Variants in GRID2 observed in about 807,000 individuals in gnomAD.
GRID2 encodes the protein glutamate receptor ionotropic, delta-2.
GRID2 carries 33 observed loss-of-function variants against 114.8 expected under a neutral mutation model. The observed-to-expected ratio is 0.29, with a 90% CI of 0.22 to 0.38. GRID2 has a LOEUF of 0.38. Ranked by LOEUF, GRID2 falls within the 10% of genes least tolerant of loss-of-function variation. The pLI, the probability that GRID2 is intolerant of heterozygous loss-of-function variation, is 1.00. For synonymous variants in GRID2, 505 were observed against 449.9 expected (o/e 1.12, Z -1.55); for missense variants, 1,184 against 1,257.7 (o/e 0.94, Z 0.89).
intron 8 of GRID2, among the ~76,000 whole-genome samples, chr4:93,328,920 G>A (rs1560505048): frequency 6.6e-6 from 1 of 152,108 alleles, no homozygotes; most frequent in Non-Finnish European, 1.5e-5. Flanking sequence ...TCTAGAGAAG[G>A]CCGATACTTA....
At chr4:93,413,313 AT>A (rs2149355681) in intron 9 of GRID2, among the ~76,000 whole-genome samples, 1 of 152,242 alleles carries the variant, frequency 6.6e-6, no homozygotes, top group South Asian at 2.1e-4. Context: ...ATAATATCTC[AT>A]TGTGGTTTTG....
intron 8 of GRID2, among the ~76,000 whole-genome samples, chr4:93,382,897 A>G (rs1763990562): frequency 1.0e-5 from 1 of 96,562 alleles, no homozygotes; most frequent in Admixed American, 9.1e-5. Flanking sequence ...CCTAGGAGAA[A>G]TTTCCTAGGT....
chr4:92,583,923 GTA>G (rs142984362), intron 1 of GRID2, among the ~76,000 whole-genome samples: 70 of 147,890 alleles, frequency 4.7e-4, no homozygotes, highest in African/African-American at 1.7e-3. Context: ...ACACATATAT[GTA>G]TATATATATA....
chr4:92,857,894 T>A (rs1049174375), intron 2 of GRID2, among the ~76,000 whole-genome samples: 1 of 152,186 alleles, frequency 6.6e-6, no homozygotes, highest in East Asian at 1.9e-4. Flanking sequence ...TGACTTTAAG[T>A]TGAAGCCATT....
chr4:92,453,410 G>T (rs959048940), intron 1 of GRID2, among the ~76,000 whole-genome samples: 1 of 151,972 alleles, frequency 6.6e-6, no homozygotes, highest in African/African-American at 2.4e-5. Flanking sequence ...GCAGAGAATG[G>T]GTTCATACAG....
intron 14 of GRID2, among the ~76,000 whole-genome samples, chr4:93,655,345 T>C (rs1414407855): frequency 6.6e-6 from 1 of 152,194 alleles, no homozygotes; most frequent in Non-Finnish European, 1.5e-5. Flanking sequence ...GGGGCAATTA[T>C]ATAACTTTAT....
At chr4:93,291,432 T>C (rs1385014593) in intron 8 of GRID2, among the ~76,000 whole-genome samples, 1 of 152,178 alleles carries the variant, frequency 6.6e-6, no homozygotes, top group African/African-American at 2.4e-5. Flanking sequence ...TTCTACTTGG[T>C]TTTGTTAGAA....
intron 14 of GRID2, among the ~76,000 whole-genome samples, chr4:93,663,765 T>A (rs1258734475): frequency 1.3e-5 from 2 of 152,158 alleles, no homozygotes; most frequent in Non-Finnish European, 2.9e-5. Flanking sequence ...GAAGGCAATC[T>A]CTAAAACTTT....
At chr4:93,422,295 C>T (rs931014819) in intron 9 of GRID2, among the ~76,000 whole-genome samples, 21 of 151,876 alleles carry the variant, frequency 1.4e-4, no homozygotes, top group African/African-American at 2.2e-4. Context: ...CCAGTAAATG[C>T]GATATTATTA....
chr4:92,843,124 T>C (rs1351221638), intron 2 of GRID2, among the ~76,000 whole-genome samples: 2 of 151,940 alleles, frequency 1.3e-5, no homozygotes, highest in Admixed American at 1.3e-4. Flanking sequence ...ATACCTGTAG[T>C]CCCAGCTACT....
At chr4:92,872,310 T>C (rs1745334310) in intron 2 of GRID2, among the ~76,000 whole-genome samples, 1 of 152,086 alleles carries the variant, frequency 6.6e-6, no homozygotes, top group African/African-American at 2.4e-5. Context: ...GACATATAAA[T>C]GGCAATTAGT....
At chr4:92,563,810 C>T (rs1433491130) in intron 1 of GRID2, among the ~76,000 whole-genome samples, 2 of 152,050 alleles carry the variant, frequency 1.3e-5, no homozygotes, top group African/African-American at 4.8e-5. Flanking sequence ...TACTCAGTTA[C>T]CTTTACTTCT....
chr4:93,332,572 A>G (rs1758613220), intron 8 of GRID2, among the ~76,000 whole-genome samples: 1 of 152,136 alleles, frequency 6.6e-6, no homozygotes, highest in South Asian at 2.1e-4. Context: ...TATTCCCTGT[A>G]GTATCTACAA....
rs115920503 is a variant in GRID2 at position 92,836,246 on chromosome 4, A to G, written c.244+245960A>G. On this transcript the variant is annotated intron_variant, in intron 2 of 15. Coordinates refer to ENST00000282020, the MANE Select transcript of GRID2 (RefSeq NM_001510.4). ...GAAAATGTTTGCTGGCTTCTGGTGTATGTGGATTATAGCTATTGATTTTTA... is the reference window on the plus strand; with the variant it reads ...GAAAATGTTTGCTGGCTTCTGGTGTGTGTGGATTATAGCTATTGATTTTTA... Among the ~76,000 whole-genome samples the G allele has an allele frequency of 5.8e-3, 879 of 152,226 alleles. 2 individuals carry two copies. The highest frequency in any genetic ancestry group is 8.8e-3 in the Non-Finnish European group (598 of 68,014).
chr4:92,910,407 C>T (rs1289763656), intron 2 of GRID2, among the ~76,000 whole-genome samples: 1 of 152,000 alleles, frequency 6.6e-6, no homozygotes, highest in Non-Finnish European at 1.5e-5. Flanking sequence ...TTTAGAACCT[C>T]CAGATTTCCC....
chr4:92,748,664 ATTATTATTATTATTT>A, intron 2 of GRID2, among the ~76,000 whole-genome samples: 1 of 146,878 alleles, frequency 6.8e-6, no homozygotes, highest in Non-Finnish European at 1.5e-5. Context: ...TATTATTATT[ATTATTATTATTATTT>A]GAGATGGAGT....
At chr4:92,434,939 A>G (rs1412844270) in intron 1 of GRID2, among the ~76,000 whole-genome samples, 2 of 152,176 alleles carry the variant, frequency 1.3e-5, no homozygotes, top group Admixed American at 1.3e-4. Flanking sequence ...CGTTGATCAC[A>G]TGGGAATGGA....
Position 92,749,622 on chromosome 4 carries a change from C to A in GRID2, c.244+159336C>A, listed in dbSNP as rs548050501. On this transcript the variant is annotated intron_variant, in intron 2 of 15. Transcript: ENST00000282020. ...TTTTTTGTTTCCAAGACAGTAGATG[C>A]GCTGGTATTTTAAGCCAATTGAAGT... Among the ~76,000 whole-genome samples, 256 of 152,120 alleles carry A rather than the reference C, an allele frequency of 1.7e-3. 2 individuals are homozygous for A. Among genetic ancestry groups the A allele is most frequent in the African/African-American group, 6.1e-3 (253 of 41,500 alleles).
At chr4:92,525,211 A>G (rs1167699299) in intron 1 of GRID2, among the ~76,000 whole-genome samples, 3 of 152,162 alleles carry the variant, frequency 2.0e-5, no homozygotes, top group African/African-American at 7.2e-5. Context: ...GAACCAAAAG[A>G]GAATATTCAG....
Sources: allele counts gnomAD v4.1 joint callset (sites outside exome capture counted in the v4.1 genomes callset), GRCh38; gene constraint gnomAD v4.1.1; transcripts MANE v1.5; gene names NCBI Gene and HGNC (gene_info 2026-07-23, HGNC 2026-07-21).